The following SUGP2 variants were observed in gnomAD, a reference collection of about 807,000 sequenced individuals.
SUGP2 encodes SURP and G-patch domain containing 2, also known as SURP and G-patch domain-containing protein 2.
A neutral mutation model predicts 90.5 loss-of-function variants in SUGP2; 24 were observed. The ratio of observed to expected loss-of-function variants is 0.27; its 90% CI spans 0.19 to 0.37. The LOEUF (loss-of-function observed/expected upper bound fraction) is 0.37. Ranked by LOEUF, SUGP2 falls within the 10% of genes least tolerant of loss-of-function variation. The pLI, the probability that SUGP2 is intolerant of heterozygous loss-of-function variation, is 1.00. For synonymous variants in SUGP2, 473 were observed against 513.4 expected, an observed-to-expected ratio of 0.92 and a Z score of 1.06; for missense variants, 1,233 against 1,363.3, an observed-to-expected ratio of 0.90 and a Z score of 1.51.
At chr19:18,995,316 A>G in intron 8 of SUGP2, 36 bp from the exon 9 acceptor site, 3 of 1,561,142 alleles carry the variant, frequency 1.9e-6, no homozygotes, top group Non-Finnish European at 2.6e-6. Flanking sequence ...TGTGGGCCAC[A>G]GGGAGATGCC....
intron 6 of SUGP2, among the ~76,000 whole-genome samples, chr19:19,006,622 C>T (rs968361490): frequency 6.6e-6 from 1 of 152,206 alleles, no homozygotes; most frequent in Non-Finnish European, 1.5e-5. Flanking sequence ...TCATGGGATG[C>T]CCCCAGCTGC....
intron 4 of SUGP2, among the ~76,000 whole-genome samples, chr19:19,017,147 T>A (rs1283041371): frequency 6.6e-6 from 1 of 152,204 alleles, no homozygotes; most frequent in Non-Finnish European, 1.5e-5. Context: ...ATAGCACCCC[T>A]GCATTGCAGC....
chr19:18,999,720 C>T (rs11878368), intron 8 of SUGP2, among the ~76,000 whole-genome samples: 101,523 of 152,032 alleles, frequency 0.67, 34,746 homozygotes, highest in East Asian at 0.89. Flanking sequence ...GCGATCTCGC[C>T]TGGCTCCCCG....
At chr19:19,022,087 C>T (rs916331757) in intron 3 of SUGP2, among the ~76,000 whole-genome samples, 3 of 152,068 alleles carry the variant, frequency 2.0e-5, no homozygotes, top group East Asian at 1.9e-4. Context: ...TGGGTTCAAG[C>T]GATTATCCTG....
At chr19:19,019,829 T>C (rs1244426602) in intron 3 of SUGP2, among the ~76,000 whole-genome samples, 1 of 136,470 alleles carries the variant, frequency 7.3e-6, no homozygotes, top group Non-Finnish European at 1.6e-5. Context: ...AAAAATTTTC[T>C]CCAATTAAAA....
chr19:18,997,189 A>G (rs1284760319), intron 8 of SUGP2, among the ~76,000 whole-genome samples: 1 of 152,144 alleles, frequency 6.6e-6, no homozygotes, highest in Non-Finnish European at 1.5e-5. Flanking sequence ...TGAGGTGCCC[A>G]GGAATCAGCT....
chr19:19,005,500 A>G (rs1010387298), intron 6 of SUGP2, among the ~76,000 whole-genome samples: 2 of 152,146 alleles, frequency 1.3e-5, no homozygotes, highest in Non-Finnish European at 2.9e-5. Flanking sequence ...CAAGCACTAT[A>G]AAATGCCCCA....
chr19:19,004,373 A>G lies in SUGP2; in HGVS notation c.2724T>C (p.Ala908=), dbSNP rs2057972792. The change falls in exon 7 of 11, where the codon GCT becomes GCC. Residue 908 remains alanine, a synonymous_variant. Coordinates refer to ENST00000452918, the MANE Select transcript of SUGP2 (RefSeq NM_001017392.5). ...CCTCAGACTTGCCCGCCCCTCCAGGAGCGGGGGCCTCCTCTCCCCCATCCT... is the reference window on the plus strand; with the variant it reads ...CCTCAGACTTGCCCGCCCCTCCAGGGGCGGGGGCCTCCTCTCCCCCATCCT... ...DDEDGGEEAP[A]PGGAGKSEGS... is the part of the protein sequence containing the mutation. 9.9e-6 allele frequency: 16 copies of G among 1,613,752 alleles called. No homozygotes were observed. Among genetic ancestry groups the G allele is most frequent in the Non-Finnish European group, 1.2e-5 (14 of 1,179,816 alleles).
intron 8 of SUGP2, among the ~76,000 whole-genome samples, chr19:18,998,630 A>T (rs1393121440): frequency 6.6e-6 from 1 of 151,954 alleles, no homozygotes; most frequent in Non-Finnish European, 1.5e-5. Flanking sequence ...GTGTGTGCAT[A>T]TGCGTGCACA....
chr19:18,996,741 G>A (rs944848459), intron 8 of SUGP2, among the ~76,000 whole-genome samples: 15 of 152,130 alleles, frequency 9.9e-5, no homozygotes, highest in African/African-American at 3.1e-4. Flanking sequence ...TAGTAGAGAC[G>A]GGGTTTCGCC....
intron 4 of SUGP2, 147 bp downstream of exon 4, chr19:19,018,961 TA>T: frequency 1.1e-6 from 1 of 923,082 alleles, no homozygotes; most frequent in Non-Finnish European, 1.6e-6. Context: ...TGAACCCACA[TA>T]AATCTGAGCC....
At chr19:19,018,042 G>A (rs1346530991) in intron 4 of SUGP2, among the ~76,000 whole-genome samples, 2 of 151,188 alleles carry the variant, frequency 1.3e-5, no homozygotes, top group Non-Finnish European at 2.9e-5. Flanking sequence ...TCAGGAGTTC[G>A]AGACCAACCT....
intron 3 of SUGP2, among the ~76,000 whole-genome samples, chr19:19,022,890 G>A (rs1021961943): frequency 5.9e-5 from 9 of 152,256 alleles, no homozygotes; most frequent in African/African-American, 2.2e-4. Flanking sequence ...CCACTGGACT[G>A]GGGGCAATGG....
At chr19:19,023,756 T>C (rs2058818160) in intron 3 of SUGP2, among the ~76,000 whole-genome samples, 1 of 151,988 alleles carries the variant, frequency 6.6e-6, no homozygotes, top group Non-Finnish European at 1.5e-5. Flanking sequence ...TAGCCAGGCA[T>C]GGTGGTACAT....
intron 3 of SUGP2, among the ~76,000 whole-genome samples, chr19:19,021,901 G>A (rs2058741336): frequency 6.6e-6 from 1 of 152,028 alleles, no homozygotes; most frequent in Non-Finnish European, 1.5e-5. Context: ...CTGACCTCAG[G>A]TGATCCACCT....
At position 19,026,065 on chromosome 19, in the gene SUGP2, G is replaced by A. The variant is rs1380272739; in HGVS notation, c.283C>T (p.Pro95Ser). 1.9e-6 allele frequency: 3 copies of A among 1,614,072 alleles called. No individual in the cohort carries two copies. In the South Asian group the frequency reaches 3.3e-5, roughly 18 times the overall value. Residue 95 changes from proline to serine, a missense_variant, in exon 3 of 11, where the codon CCT becomes TCT. Physicochemically the swap from Pro to Ser is moderately conservative, Grantham distance 74. This residue lies in a region of SUGP2 where 418 missense variants were observed against 399.9 expected (regional missense o/e 1.05). Coordinates refer to ENST00000452918, the MANE Select transcript of SUGP2 (RefSeq NM_001017392.5). ...FPGPSFRSSN[P>S]SISDDSYFRK... The stretch of plus-strand genomic sequence containing the variant: ...AAGTAGCTGTCATCACTGATGGAAG[G>A]GTTGCTTGATCTGAAGGAAGGCCCT...
chr19:18,995,095 G>A (rs1261045984), intron 9 of SUGP2, 49 bp downstream of exon 9: 1 of 1,595,772 alleles, frequency 6.3e-7, no homozygotes, highest in Admixed American at 1.7e-5. Flanking sequence ...GCTGCAGGTG[G>A]AAGGACTGAG....
chr19:19,028,706 CTTTTT>C (rs949356147), intron 2 of SUGP2, among the ~76,000 whole-genome samples: 3 of 150,072 alleles, frequency 2.0e-5, no homozygotes, highest in Admixed American at 2.0e-4. Context: ...CCTAATCTGT[CTTTTT>C]TTTTTGAGAC....
At chr19:19,014,425 G>T (rs1308599880) in intron 4 of SUGP2, among the ~76,000 whole-genome samples, 1 of 152,122 alleles carries the variant, frequency 6.6e-6, no homozygotes, top group Non-Finnish European at 1.5e-5. Flanking sequence ...TCAAATCTCT[G>T]CTGGCCCTCA....
Sources: allele counts gnomAD v4.1 joint callset (sites outside exome capture counted in the v4.1 genomes callset), GRCh38; gene constraint gnomAD v4.1.1; regional missense constraint gnomAD v4.1.1; transcripts MANE v1.5; gene names NCBI Gene and HGNC (gene_info 2026-07-23, HGNC 2026-07-21).